Variants in SLC4A8 observed in about 807,000 individuals in gnomAD.
SLC4A8 encodes the protein electroneutral sodium bicarbonate exchanger 1.
SLC4A8 carries 40 observed loss-of-function variants against 125.0 expected under a neutral mutation model. The ratio of observed to expected loss-of-function variants is 0.32; its 90% CI spans 0.25 to 0.42. The LOEUF is 0.42. Among genes scored for constraint, SLC4A8 ranks in the 10% least tolerant of loss-of-function variants. The probability of loss-of-function intolerance (pLI) is 1.00; values close to 1 mark genes in which losing one functional copy is unlikely to be tolerated. For missense variants in SLC4A8, 863 were observed against 1,355.1 expected, an observed-to-expected ratio of 0.64 and a Z score of 5.70; for synonymous variants, 456 against 476.0, an observed-to-expected ratio of 0.96 and a Z score of 0.55.
intron 16 of SLC4A8, among the ~76,000 whole-genome samples, chr12:51,482,089 G>C (rs1951046666): frequency 6.6e-6 from 1 of 152,204 alleles, no homozygotes; most frequent in Admixed American, 6.5e-5. Flanking sequence ...TAGATTTGCA[G>C]TATTTAATGT....
chr12:51,420,338 G>A (rs1261161704), upstream of SLC4A8: 1 of 152,206 alleles, frequency 6.6e-6, no homozygotes, highest in Non-Finnish European at 1.5e-5. Flanking sequence ...CATAGAACAA[G>A]AGACAGAGTA....
intron 1 of SLC4A8, among the ~76,000 whole-genome samples, chr12:51,410,876 C>CTTTTT (rs58043742): frequency 3.3e-4 from 39 of 117,382 alleles, no homozygotes; most frequent in South Asian, 5.7e-4. Context: ...CTTTTCTTTT[C>CTTTTT]TTTTTTTTTT....
chr12:51,429,023 C>T lies in SLC4A8; in HGVS notation c.48+3988C>T, dbSNP rs567493962. The stretch of plus-strand genomic sequence containing the variant: ...CTCCCAGGTTCAAGTGATTCTCCTG[C>T]CTCAGCATCCCGAGTAGCTGGGATT... On this transcript the variant is annotated intron_variant, in intron 1 of 24. Coordinates refer to ENST00000453097, the MANE Select transcript of SLC4A8 (RefSeq NM_001039960.3). Among the ~76,000 whole-genome samples the T allele has an allele frequency of 4.6e-5, 7 of 152,272 alleles. No homozygotes were observed. The East Asian group carries it at 1.4e-3, about 29-fold the overall frequency.
In SLC4A8 at chr12:51,507,509, C is replaced by A; in HGVS notation, c.*71C>A. The stretch of plus-strand genomic sequence containing the variant: ...GAAGTTCTGGTTACAGAGAAAATGG[C>A]GAGTCTCTCAGAGAAGAAGCAAGAC... On this transcript the variant is annotated 3_prime_UTR_variant, in exon 25 of 25. Transcript: ENST00000453097. 1 of 1,155,952 alleles carries A rather than the reference C, an allele frequency of 8.7e-7. No individual in the cohort carries two copies. Among genetic ancestry groups the A allele is most frequent in the Non-Finnish European group, 1.2e-6 (1 of 867,884 alleles). The allele number at this position is 1,155,952 out of a possible 1,614,324, so 71.6% of individuals were successfully genotyped here.
chr12:51,499,065 C>T (rs1937719926), intron 22 of SLC4A8, among the ~76,000 whole-genome samples: 1 of 151,648 alleles, frequency 6.6e-6, no homozygotes, highest in African/African-American at 2.4e-5. Flanking sequence ...CCTATAATCC[C>T]AGCTACTCAG....
chr12:51,499,593 A>G (rs979303839), intron 22 of SLC4A8, among the ~76,000 whole-genome samples: 1 of 149,014 alleles, frequency 6.7e-6, no homozygotes, highest in Non-Finnish European at 1.5e-5. Context: ...ACAAGTCTAT[A>G]TTTGTTTTCT....
At chr12:51,460,673 G>A (rs949470095) in intron 8 of SLC4A8, among the ~76,000 whole-genome samples, 6 of 152,312 alleles carry the variant, frequency 3.9e-5, no homozygotes, top group African/African-American at 1.4e-4. Flanking sequence ...GGCATGGTTT[G>A]TATGGTTTGC....
At chr12:51,437,496 A>G (rs1317862060) in intron 1 of SLC4A8, among the ~76,000 whole-genome samples, 2 of 152,064 alleles carry the variant, frequency 1.3e-5, no homozygotes, top group Admixed American at 6.6e-5. Context: ...GGTTGTTTAA[A>G]AGAGTCTGGG....
At chr12:51,461,103 T>G (rs980671807) in intron 8 of SLC4A8, 101 bp from the exon 9 acceptor site, 32 of 572,664 alleles carry the variant, frequency 5.6e-5, no homozygotes, top group Middle Eastern at 5.4e-4. Flanking sequence ...CAGTGATGAT[T>G]TATGTACGAT....
intron 21 of SLC4A8, among the ~76,000 whole-genome samples, chr12:51,496,084 A>G (rs924212052): frequency 3.9e-5 from 6 of 152,104 alleles, no homozygotes; most frequent in South Asian, 2.1e-4. Flanking sequence ...GGGTTTCTCA[A>G]TTTTGTCAGG....
chr12:51,504,185 T>G (rs1938065370), intron 23 of SLC4A8, 65 bp downstream of exon 23: 1 of 961,812 alleles, frequency 1.0e-6, no homozygotes, highest in Admixed American at 2.1e-5. Context: ...GGCTTTGTGG[T>G]GGTGGTGGTG....
chr12:51,407,974 T>C (rs1433189017), intron 1 of SLC4A8: 2 of 152,496 alleles, frequency 1.3e-5, no homozygotes, highest in Non-Finnish European at 2.9e-5. Context: ...CCTTGGCCTG[T>C]GCAGGCAGCA....
intron 1 of SLC4A8, among the ~76,000 whole-genome samples, chr12:51,394,531 T>G (rs1948222465): frequency 6.6e-6 from 1 of 152,144 alleles, no homozygotes; most frequent in Non-Finnish European, 1.5e-5. Flanking sequence ...GAAAAATGGT[T>G]TTTTAGGCTG....
At chr12:51,407,803 G>A (rs1482393736) in intron 1 of SLC4A8, 1 of 152,278 alleles carries the variant, frequency 6.6e-6, no homozygotes, top group Non-Finnish European at 1.5e-5. Context: ...CGTTCCCTAG[G>A]GCTGCTATAA....
At chr12:51,492,212 C>G (rs1215675584) in intron 19 of SLC4A8, among the ~76,000 whole-genome samples, 2 of 152,198 alleles carry the variant, frequency 1.3e-5, no homozygotes, top group East Asian at 3.9e-4. Flanking sequence ...GGCTGTATTC[C>G]CAGGTGCCAG....
chr12:51,462,465 T>C lies in SLC4A8; in HGVS notation c.1248+9T>C, dbSNP rs1227958824. The C allele has an allele frequency of 1.3e-6, 2 of 1,551,220 alleles. No individual in the cohort carries two copies. Among genetic ancestry groups the C allele is most frequent in the African/African-American group, 2.8e-5 (2 of 72,384 alleles). On this transcript the variant is annotated intron_variant, in intron 10 of 24. Transcript: ENST00000453097. ...AAAATGTCCCTTCCCAGGTAATGTA[T>C]GCACATCAGCCAATGTGGCTATTGT...
chr12:51,461,298 G>A lies in SLC4A8; in HGVS notation c.1101+7G>A. ...CACCATCATGACAGATGAGGTATGT[G>A]CAACTTTTGCTTCAGTCTTCCATCT... is the stretch of plus-strand genomic sequence containing the variant. On this transcript the variant is annotated splice_region_variant and intron_variant, in intron 9 of 24. Transcript: ENST00000453097. 2 of 1,536,496 alleles carry A rather than the reference G, an allele frequency of 1.3e-6. No individual in the cohort carries two copies. Among genetic ancestry groups the A allele is most frequent in the East Asian group, 2.2e-5 (1 of 44,492 alleles).
chr12:51,507,373 G>A lies in SLC4A8; in HGVS notation c.3270-53G>A, dbSNP rs911218749. The stretch of plus-strand genomic sequence containing the variant: ...ACATCTTCAAAGTATTGTGTTAAAA[G>A]GAGGAATGAATCATATGTTCCCTTT... On this transcript the variant is annotated intron_variant, in intron 24 of 24. Coordinates refer to ENST00000453097, the MANE Select transcript of SLC4A8 (RefSeq NM_001039960.3). 6 of 1,211,424 alleles carry A rather than the reference G, an allele frequency of 5.0e-6. No individual in the cohort carries two copies. The African/African-American group carries it at 9.3e-5, about 19-fold the overall frequency. 75.0% of individuals were successfully genotyped at this position (1,211,424 alleles called of 1,614,324 possible).
chr12:51,427,091 A>G (rs1949017568), intron 1 of SLC4A8, among the ~76,000 whole-genome samples: 1 of 151,692 alleles, frequency 6.6e-6, no homozygotes, highest in Non-Finnish European at 1.5e-5. Flanking sequence ...GGCGCCTTCC[A>G]CCACGCCCGG....
Sources: allele counts gnomAD v4.1 joint callset (sites outside exome capture counted in the v4.1 genomes callset), GRCh38; gene constraint gnomAD v4.1.1; transcripts MANE v1.5; gene names NCBI Gene and HGNC (gene_info 2026-07-23, HGNC 2026-07-21).